The following CDH13 variants were observed in gnomAD, a reference collection of about 807,000 sequenced individuals.
CDH13 encodes cadherin 13.
CDH13 carries 24 observed loss-of-function variants against 63.8 expected under a neutral mutation model. That is an observed-to-expected ratio of 0.38 (90% CI 0.27 to 0.53). The LOEUF is 0.53. CDH13 is among the 20% of genes least tolerant of loss of function. The pLI, the probability that CDH13 is intolerant of heterozygous loss-of-function variation, is 0.85. For missense variants in CDH13, 1,049 were observed against 903.1 expected (o/e 1.16, Z -2.07); for synonymous variants, 503 against 355.3 (o/e 1.42, Z -4.67).
intron 1 of CDH13, among the ~76,000 whole-genome samples, chr16:82,809,048 G>A (rs1021806425): frequency 2.6e-5 from 4 of 151,990 alleles, no homozygotes; most frequent in African/African-American, 9.7e-5. Context: ...ATATACATAT[G>A]TATGAATACA....
chr16:83,630,185 C>A (rs553825437), intron 8 of CDH13, among the ~76,000 whole-genome samples: 1 of 152,278 alleles, frequency 6.6e-6, no homozygotes, highest in Admixed American at 6.5e-5. Flanking sequence ...TTTAACCTCT[C>A]TGAGATCTGG....
At chr16:83,720,889 G>T (rs1010167543) in intron 10 of CDH13, among the ~76,000 whole-genome samples, 1 of 152,194 alleles carries the variant, frequency 6.6e-6, no homozygotes, top group Non-Finnish European at 1.5e-5. Flanking sequence ...TATGGAGTGG[G>T]TTATAACTGT....
intron 10 of CDH13, among the ~76,000 whole-genome samples, chr16:83,685,190 G>A (rs1199741617): frequency 4.6e-5 from 7 of 152,158 alleles, no homozygotes; most frequent in Non-Finnish European, 1.0e-4. Flanking sequence ...ATACCTAGCT[G>A]CAAGGGATTA....
At chr16:82,843,734 G>T in intron 1 of CDH13, among the ~76,000 whole-genome samples, 1 of 152,344 alleles carries the variant, frequency 6.6e-6, no homozygotes, top group Admixed American at 6.5e-5. Context: ...TGGCAGAGAA[G>T]AAAGTGTTGA....
intron 2 of CDH13, among the ~76,000 whole-genome samples, chr16:82,957,072 C>G (rs1188035284): frequency 6.6e-6 from 1 of 152,096 alleles, no homozygotes; most frequent in Admixed American, 6.6e-5. Flanking sequence ...TGGAATGTAT[C>G]CTGTGTCCTC....
At chr16:83,714,938 T>TTG (rs1908657529) in intron 10 of CDH13, among the ~76,000 whole-genome samples, 1 of 152,162 alleles carries the variant, frequency 6.6e-6, no homozygotes, top group Non-Finnish European at 1.5e-5. Flanking sequence ...CTTGAGTGTG[T>TTG]TGCCTCTGCC....
rs577215381 is a variant in CDH13, at chr16:83,461,857, G to A, written c.782-24620G>A. Among the ~76,000 whole-genome samples the A allele has an allele frequency of 8.5e-5, 13 of 152,298 alleles. No homozygotes were observed. The East Asian group carries it at 2.3e-3, about 27-fold the overall frequency. On this transcript the variant is annotated intron_variant, in intron 6 of 13. Coordinates refer to ENST00000567109, the MANE Select transcript of CDH13 (RefSeq NM_001257.5). The stretch of plus-strand genomic sequence containing the variant: ...TCCAGAAGATCGATTCTGGCTCTGT[G>A]TACCCAAGATCTCACCAAAGCCAAA...
At chr16:83,612,020 C>A (rs1908903757) in intron 8 of CDH13, among the ~76,000 whole-genome samples, 1 of 151,990 alleles carries the variant, frequency 6.6e-6, no homozygotes, top group African/African-American at 2.4e-5. Flanking sequence ...CTATATACAT[C>A]AGTTAGGCCA....
At chr16:83,681,575 C>G (rs1000912106) in intron 10 of CDH13, among the ~76,000 whole-genome samples, 6 of 152,160 alleles carry the variant, frequency 3.9e-5, no homozygotes, top group Admixed American at 1.3e-4. Flanking sequence ...CCCCTTCACT[C>G]CCTCCTACCC....
chr16:83,324,438 G>C (rs1441643549), intron 5 of CDH13, among the ~76,000 whole-genome samples: 1 of 152,130 alleles, frequency 6.6e-6, no homozygotes, highest in Non-Finnish European at 1.5e-5. Context: ...ACAACCACCA[G>C]TCTACTTCTT....
At chr16:83,713,651 TG>T (rs1448799321) in intron 10 of CDH13, among the ~76,000 whole-genome samples, 1 of 151,110 alleles carries the variant, frequency 6.6e-6, no homozygotes, top group Admixed American at 6.6e-5. Context: ...AGAATGGGGG[TG>T]GGGAAAGTGA....
At chr16:83,262,054 G>C (rs1010232323) in intron 5 of CDH13, among the ~76,000 whole-genome samples, 3 of 152,126 alleles carry the variant, frequency 2.0e-5, no homozygotes, top group Admixed American at 6.5e-5. Context: ...CTTCACGCTG[G>C]CACACTGAGA....
At chr16:83,306,192 C>A (rs1312430698) in intron 5 of CDH13, among the ~76,000 whole-genome samples, 1 of 152,196 alleles carries the variant, frequency 6.6e-6, no homozygotes, top group Non-Finnish European at 1.5e-5. Context: ...ACTGTTCCAA[C>A]ATATAGAAGA....
In CDH13 at chr16:82,884,121, T is replaced by C. The variant is rs187586082; in HGVS notation, c.157+25648T>C. On this transcript the variant is annotated intron_variant, in intron 2 of 13. Coordinates refer to ENST00000567109, the MANE Select transcript of CDH13 (RefSeq NM_001257.5). ...GGTGAATAAATACAAATATTGTTGA[T>C]TGAATGCATGTCTGCATGCACGCTG... is the stretch of plus-strand genomic sequence containing the variant. 90 of 450,616 alleles carry C rather than the reference T, an allele frequency of 2.0e-4. 3 individuals are homozygous for C. The Admixed American group carries it at 2.2e-3, about 11-fold the overall frequency. The allele number at this position is 450,616 out of a possible 1,614,324, so 27.9% of individuals were successfully genotyped here.
At chr16:83,468,357 T>C (rs750998358) in intron 6 of CDH13, among the ~76,000 whole-genome samples, 6 of 152,132 alleles carry the variant, frequency 3.9e-5, no homozygotes, top group Non-Finnish European at 8.8e-5. Context: ...TGTAGATAGC[T>C]ACCAAAGCTG....
chr16:82,892,044 C>T (rs1165724485), intron 2 of CDH13, among the ~76,000 whole-genome samples: 1 of 152,012 alleles, frequency 6.6e-6, no homozygotes, highest in Non-Finnish European at 1.5e-5. Flanking sequence ...AACCTCAGCT[C>T]GTCCCTTTAT....
intron 11 of CDH13, among the ~76,000 whole-genome samples, chr16:83,763,262 A>G (rs986934600): frequency 1.3e-5 from 2 of 152,232 alleles, no homozygotes; most frequent in African/African-American, 4.8e-5. Flanking sequence ...TAAAATTAAA[A>G]TGGAATAGAC....
chr16:82,950,233 A>C (rs971591639), intron 2 of CDH13, among the ~76,000 whole-genome samples: 1 of 152,096 alleles, frequency 6.6e-6, no homozygotes, highest in African/African-American at 2.4e-5. Context: ...AACCTTTGGC[A>C]TTCCTTAGCT....
intron 13 of CDH13, among the ~76,000 whole-genome samples, chr16:83,790,707 T>C (rs758803521): frequency 2.0e-5 from 3 of 151,952 alleles, no homozygotes; most frequent in Non-Finnish European, 4.4e-5. Flanking sequence ...CTGGCCCGGT[T>C]GTTGTAGTAT....
Sources: allele counts gnomAD v4.1 joint callset (sites outside exome capture counted in the v4.1 genomes callset), GRCh38; gene constraint gnomAD v4.1.1; transcripts MANE v1.5; gene names NCBI Gene and HGNC (gene_info 2026-07-23, HGNC 2026-07-21).